SPATA22: variants seen among roughly 807,000 people sequenced by gnomAD.
SPATA22 encodes spermatogenesis-associated protein 22.
In SPATA22, 29 loss-of-function variants were observed where a neutral mutation model predicts 47.8. That is an observed-to-expected ratio of 0.61 (90% CI 0.45 to 0.83). The LOEUF is 0.83. Among genes scored for constraint, SPATA22 ranks in the 40% least tolerant of loss-of-function variants. SPATA22 has a pLI of 0.00. For missense variants in SPATA22, 410 were observed against 421.7 expected (o/e 0.97, Z 0.24); for synonymous variants, 133 against 140.9 (o/e 0.94, Z 0.40).
upstream of SPATA22, among the ~76,000 whole-genome samples, chr17:3,473,497 TTTG>T (rs1232163476): frequency 1.3e-5 from 2 of 152,120 alleles, no homozygotes; most frequent in African/African-American, 2.4e-5. Context: ...CTCCTTTTGT[TTTG>T]TTTTGTTTTG....
chr17:3,511,136 A>C (rs956472069), intron 1 of SPATA22: 1 of 152,194 alleles, frequency 6.6e-6, no homozygotes, highest in Non-Finnish European at 1.5e-5. Context: ...TGATAGACCC[A>C]CGGGTTCAAC....
intron 6 of SPATA22, among the ~76,000 whole-genome samples, chr17:3,448,027 T>C (rs991028375): frequency 6.6e-6 from 1 of 152,094 alleles, no homozygotes; most frequent in African/African-American, 2.4e-5. Context: ...ATAAATAACA[T>C]TTACAAAGAG....
At chr17:3,465,800 A>C (rs565688510) in intron 3 of SPATA22, among the ~76,000 whole-genome samples, 5 of 130,438 alleles carry the variant, frequency 3.8e-5, no homozygotes, top group African/African-American at 1.4e-4. Context: ...TAAAAAACAA[A>C]AAAAAACAAC....
At chr17:3,489,495 A>G (rs1207995685) in intron 1 of SPATA22, among the ~76,000 whole-genome samples, 2 of 152,230 alleles carry the variant, frequency 1.3e-5, no homozygotes, top group African/African-American at 2.4e-5. Flanking sequence ...GGATAGACAC[A>G]TTCAAGAAAA....
At chr17:3,443,148 G>T (rs775340392) in intron 8 of SPATA22, 26 bp downstream of exon 8, 1 of 1,497,420 alleles carries the variant, frequency 6.7e-7, no homozygotes, top group Non-Finnish European at 9.2e-7. Flanking sequence ...CATAGGCTTC[G>T]CAAAGAGTAC....
At chr17:3,503,120 T>G (rs944256952) in intron 1 of SPATA22, 1 of 151,650 alleles carries the variant, frequency 6.6e-6, no homozygotes, top group Non-Finnish European at 1.5e-5. Context: ...CAATAAAGAG[T>G]GTTTTTATTC....
chr17:3,469,716 C>T (rs546407797), intron 1 of SPATA22, among the ~76,000 whole-genome samples: 1 of 152,316 alleles, frequency 6.6e-6, no homozygotes, highest in South Asian at 2.1e-4. Flanking sequence ...AAATGGACCA[C>T]AGCGTTGGCA....
intron 1 of SPATA22, chr17:3,501,132 C>T (rs1040137274): frequency 3.3e-5 from 5 of 151,608 alleles, no homozygotes; most frequent in African/African-American, 1.2e-4. Context: ...TTAAGAAATA[C>T]ATTTCAGGCT....
intron 5 of SPATA22, among the ~76,000 whole-genome samples, chr17:3,461,216 G>A (rs8079223): frequency 0.56 from 85,710 of 152,032 alleles, 25,888 homozygotes; most frequent in Non-Finnish European, 0.68. Context: ...CTGAAATTCA[G>A]ATTTAACTGG....
intron 1 of SPATA22, chr17:3,481,615 A>G (rs778697611): frequency 6.2e-7 from 1 of 1,613,600 alleles, no homozygotes; most frequent in Non-Finnish European, 8.5e-7. Context: ...AAAAAATGTC[A>G]GAAGATTTGC....
rs185249615 is a variant in SPATA22 at position 3,480,527 on chromosome 17, A to G, written c.-73-11129T>C. 6.9e-3 allele frequency among the ~76,000 whole-genome samples: 1,050 copies of G among 152,258 alleles called. 12 individuals are homozygous for G. The highest frequency in any genetic ancestry group is 8.5e-3 in the Non-Finnish European group (581 of 68,016). ...TTATCCATCTGGGTGGTGCCAGCTG[A>G]TCTGTCAACTCAGGGTTTACAAAAT... On this transcript the variant is annotated intron_variant, in intron 1 of 8. Transcript: ENST00000541913.
intron 3 of SPATA22, among the ~76,000 whole-genome samples, chr17:3,464,412 A>AG (rs535416802): frequency 0.29 from 41,112 of 143,554 alleles, 5,723 homozygotes; most frequent in Non-Finnish European, 0.42. Context: ...CCCGTCTGGG[A>AG]AGTGAGGAGC....
chr17:3,465,617 C>T (rs1440396241), intron 3 of SPATA22, among the ~76,000 whole-genome samples: 1 of 150,942 alleles, frequency 6.6e-6, no homozygotes, highest in Non-Finnish European at 1.5e-5. Flanking sequence ...TCCCTAATCT[C>T]AAGTACCCAG....
At chr17:3,441,742 G>A (rs2072602704) in intron 8 of SPATA22, 1 of 151,878 alleles carries the variant, frequency 6.6e-6, no homozygotes, top group African/African-American at 2.4e-5. Context: ...AAAAAATCCA[G>A]AAACCCAAAT....
rs1301943774 is a variant in SPATA22 at position 3,488,493 on chromosome 17, C to T, written c.-73-19095G>A. Among the ~76,000 whole-genome samples the T allele has an allele frequency of 6.6e-6, 1 of 152,074 alleles. No homozygotes were observed. The highest frequency in any genetic ancestry group is 1.5e-5 in the Non-Finnish European group (1 of 68,034). On this transcript the variant is annotated intron_variant, in intron 1 of 8. Coordinates refer to the SPATA22 transcript ENST00000541913. The surrounding 1 kb of genome is among the most constrained non-coding windows in gnomAD (Gnocchi z 6.1). ...CCAACATGGTGAAACCCTGCCTCTACTAAAAATATAAAAATAAGCCAGGAA... is the reference window on the plus strand; with the variant it reads ...CCAACATGGTGAAACCCTGCCTCTATTAAAAATATAAAAATAAGCCAGGAA...
chr17:3,494,364 C>A (rs925180640), intron 1 of SPATA22: 1 of 1,610,532 alleles, frequency 6.2e-7, no homozygotes, highest in African/African-American at 1.3e-5. Context: ...AGAATTTCCT[C>A]CCTGCGCCAT....
rs531234561 is a variant in SPATA22, at chr17:3,457,953, A to T, written c.329+4530T>A. 6.6e-5 allele frequency among the ~76,000 whole-genome samples: 10 copies of T among 152,344 alleles called. 3 individuals are homozygous for T. In the South Asian group the frequency reaches 2.1e-3, roughly 32 times the overall value. The stretch of plus-strand genomic sequence containing the variant: ...ATATGACACCAAAAGCACAGTCAAC[A>T]AAAGCAAAAGGAAATATTTGAGAAC... On this transcript the variant is annotated intron_variant, in intron 5 of 8. Transcript: ENST00000572969.
upstream of SPATA22, chr17:3,472,197 G>C (rs1381696094): frequency 6.6e-6 from 1 of 152,318 alleles, no homozygotes; most frequent in Non-Finnish European, 1.5e-5. Context: ...GAGGTGTCTG[G>C]CTCAATTTCT....
At chr17:3,456,551 A>G (rs1349266503) in intron 5 of SPATA22, among the ~76,000 whole-genome samples, 6 of 152,144 alleles carry the variant, frequency 3.9e-5, no homozygotes, top group Non-Finnish European at 7.3e-5. Flanking sequence ...TTGAGGCAAT[A>G]ATCAATAGCT....
Sources: allele counts gnomAD v4.1 joint callset (sites outside exome capture counted in the v4.1 genomes callset), GRCh38; gene constraint gnomAD v4.1.1; non-coding constraint Gnocchi (gnomAD v3.1); transcripts MANE v1.5; gene names NCBI Gene and HGNC (gene_info 2026-07-23, HGNC 2026-07-21).